Variants in ZC3H13 observed in about 807,000 individuals in gnomAD.
ZC3H13 encodes the protein zinc finger CCCH domain-containing protein 13.
In ZC3H13, 64 loss-of-function variants were observed where a neutral mutation model predicts 204.1. That is an observed-to-expected ratio of 0.31 (90% CI 0.26 to 0.39). ZC3H13 has a LOEUF of 0.39. Among genes scored for constraint, ZC3H13 ranks in the 10% least tolerant of loss-of-function variants. ZC3H13 has a pLI of 1.00. For synonymous variants in ZC3H13, 667 were observed against 693.7 expected (o/e 0.96, Z 0.60); for missense variants, 1,833 against 2,082.7 (o/e 0.88, Z 2.33).
intron 7 of ZC3H13, among the ~76,000 whole-genome samples, chr13:46,009,514 TAGA>T (rs1168191939): frequency 2.0e-5 from 3 of 152,082 alleles, no homozygotes; most frequent in Admixed American, 1.3e-4. Flanking sequence ...TTCTAGGAAC[TAGA>T]AGGAGGGAGA....
intron 4 of ZC3H13, 48 bp from the exon 5 acceptor site, chr13:46,020,605 A>T (rs776044973): frequency 8.0e-7 from 1 of 1,244,168 alleles, no homozygotes; most frequent in African/African-American, 1.6e-5. Context: ...TTTAAAAATT[A>T]TGAGGTAGTT....
intron 7 of ZC3H13, among the ~76,000 whole-genome samples, chr13:46,007,581 C>T (rs573882938): frequency 2.0e-5 from 3 of 152,206 alleles, no homozygotes; most frequent in South Asian, 4.1e-4. Flanking sequence ...TTCTAATATA[C>T]TTACTAAAGT....
intron 12 of ZC3H13, among the ~76,000 whole-genome samples, chr13:45,972,517 G>A (rs1036940714): frequency 6.6e-6 from 1 of 152,074 alleles, no homozygotes; most frequent in Admixed American, 6.6e-5. Flanking sequence ...GGTGACAGGT[G>A]CACTAAAATC....
intron 8 of ZC3H13, among the ~76,000 whole-genome samples, chr13:46,001,937 C>T (rs1229008844): frequency 7.2e-6 from 1 of 139,050 alleles, no homozygotes. Flanking sequence ...CAAGAAGACA[C>T]AATTAACAGA....
In ZC3H13 at chr13:45,966,786, AATAATGT is replaced by A. The variant is rs1434278715; in HGVS notation, c.4321+711_4321+717del. ...CGAGCAGAGAAGGCTTCATCGAGAA[AATAATGT>A]ATAAATTGGGACTTGAATTTTGAGT... On this transcript the variant is annotated intron_variant, in intron 15 of 18. Transcript: ENST00000679008. 2.0e-5 allele frequency among the ~76,000 whole-genome samples: 3 copies of A among 152,298 alleles called. No homozygotes were observed. The East Asian group carries it at 5.8e-4, about 29-fold the overall frequency.
chr13:45,995,115 C>A (rs936106832), intron 8 of ZC3H13, among the ~76,000 whole-genome samples: 1 of 151,738 alleles, frequency 6.6e-6, no homozygotes, highest in East Asian at 1.9e-4. Flanking sequence ...GTCATTATAA[C>A]ACAGCCCTAC....
chr13:46,032,007 T>C (rs2042927824), intron 4 of ZC3H13, among the ~76,000 whole-genome samples: 1 of 152,164 alleles, frequency 6.6e-6, no homozygotes, highest in Non-Finnish European at 1.5e-5. Flanking sequence ...TTGCCAAAAC[T>C]TGGAAGCAAC....
At position 46,027,710 on chromosome 13, in the gene ZC3H13, T is replaced by C. The variant is rs909336371; in HGVS notation, c.340-7153A>G. On this transcript the variant is annotated intron_variant, in intron 4 of 18. Coordinates refer to ENST00000679008, the MANE Select transcript of ZC3H13 (RefSeq NM_001330564.2). ...GAATATTTTGTTATTATCTGTATTA[T>C]AGATGAAGTAGTATAGTGCTGTTTC... Among the ~76,000 whole-genome samples the C allele has an allele frequency of 1.2e-4, 19 of 152,200 alleles. No homozygotes were observed. In the East Asian group the frequency reaches 3.5e-3, roughly 28 times the overall value.
At chr13:46,032,978 G>A (rs1269119402) in intron 4 of ZC3H13, among the ~76,000 whole-genome samples, 2 of 150,120 alleles carry the variant, frequency 1.3e-5, no homozygotes, top group Admixed American at 6.7e-5. Context: ...GCATATATAT[G>A]TAAATATTAA....
rs201898416 is a variant in ZC3H13 at position 45,988,780 on chromosome 13, T to A, written c.1255+7A>T. 39 of 1,609,290 alleles carry A rather than the reference T, an allele frequency of 2.4e-5. 1 individual carries two copies. Among genetic ancestry groups the A allele is most frequent in the Middle Eastern group, 3.3e-4 (2 of 6,072 alleles). ...TTCAATTAAAAAAATCAAAGTACAGTACACACCTTCCCTCCTTTCATGGCG... is the reference window on the plus strand; with the variant it reads ...TTCAATTAAAAAAATCAAAGTACAGAACACACCTTCCCTCCTTTCATGGCG... On this transcript the variant is annotated splice_region_variant and intron_variant, in intron 9 of 18. Coordinates refer to ENST00000679008, the MANE Select transcript of ZC3H13 (RefSeq NM_001330564.2).
intron 12 of ZC3H13, among the ~76,000 whole-genome samples, chr13:45,971,949 T>G (rs552301906): frequency 6.6e-6 from 1 of 151,668 alleles, no homozygotes; most frequent in East Asian, 1.9e-4. Flanking sequence ...AAAACCACAA[T>G]GAGATGCCAC....
intron 8 of ZC3H13, among the ~76,000 whole-genome samples, chr13:45,992,808 G>A (rs956755096): frequency 6.6e-6 from 1 of 152,116 alleles, no homozygotes; most frequent in Non-Finnish European, 1.5e-5. Context: ...AAAGGTGAAG[G>A]AAGGTTACAT....
At chr13:46,027,107 ATTTTTTTTTAT>A (rs1169223331) in intron 4 of ZC3H13, among the ~76,000 whole-genome samples, 1 of 151,496 alleles carries the variant, frequency 6.6e-6, no homozygotes, top group Non-Finnish European at 1.5e-5. Context: ...GGTGTTTTTT[ATTTTTTTTTAT>A]TTTTTGAGAC....
intron 4 of ZC3H13, among the ~76,000 whole-genome samples, chr13:46,026,396 T>C (rs967925111): frequency 7.2e-5 from 11 of 152,160 alleles, no homozygotes; most frequent in Admixed American, 7.2e-4. Context: ...TTTAACATAA[T>C]GTTCTCAAAC....
chr13:46,035,120 A>G (rs1207594722), intron 4 of ZC3H13, among the ~76,000 whole-genome samples: 1 of 152,148 alleles, frequency 6.6e-6, no homozygotes, highest in African/African-American at 2.4e-5. Flanking sequence ...TCAGAATACT[A>G]ACCCTTGGAA....
At chr13:46,039,889 G>T (rs1681734950) in intron 4 of ZC3H13, among the ~76,000 whole-genome samples, 1 of 152,160 alleles carries the variant, frequency 6.6e-6, no homozygotes, top group African/African-American at 2.4e-5. Flanking sequence ...CATGGTGGGA[G>T]TATTTACATA....
At chr13:46,014,016 T>C (rs2041748635) in intron 5 of ZC3H13, among the ~76,000 whole-genome samples, 1 of 152,162 alleles carries the variant, frequency 6.6e-6, no homozygotes, top group Non-Finnish European at 1.5e-5. Context: ...ATAATATTAA[T>C]TGTTGGTAAA....
chr13:45,988,153 A>G (rs889765876), intron 9 of ZC3H13, among the ~76,000 whole-genome samples: 1 of 152,146 alleles, frequency 6.6e-6, no homozygotes, highest in Non-Finnish European at 1.5e-5. Context: ...CTTGTTTTCA[A>G]AAGACATTAA....
intron 5 of ZC3H13, among the ~76,000 whole-genome samples, chr13:46,016,692 G>T (rs1037504152): frequency 6.6e-6 from 1 of 152,062 alleles, no homozygotes. Context: ...CATCCAATGG[G>T]TTGGACACAT....
Sources: gnomAD v4.1 joint callset for allele counts (sites outside exome capture counted in the v4.1 genomes callset) on GRCh38, gnomAD v4.1.1 for gene constraint, MANE v1.5 for transcripts, NCBI Gene and HGNC (gene_info 2026-07-23, HGNC 2026-07-21) for gene names.